RPS6KC1: variants seen among roughly 807,000 people sequenced by gnomAD.
RPS6KC1 encodes the protein inactive ribosomal protein S6 kinase delta-1.
A neutral mutation model predicts 103.8 loss-of-function variants in RPS6KC1; 54 were observed. The ratio of observed to expected loss-of-function variants is 0.52; its 90% CI spans 0.42 to 0.65. RPS6KC1 has a LOEUF of 0.65. Ranked by LOEUF, RPS6KC1 falls within the 30% of genes least tolerant of loss-of-function variation. The pLI is 0.00. For synonymous variants in RPS6KC1, 439 were observed against 438.7 expected, an observed-to-expected ratio of 1.00 and a Z score of -0.01; for missense variants, 1,151 against 1,253.8, an observed-to-expected ratio of 0.92 and a Z score of 1.24.
At chr1:213,374,439 G>A in the RPS6KC1 span, among the ~76,000 whole-genome samples, 1 of 151,812 alleles carries the variant, frequency 6.6e-6, no homozygotes, top group East Asian at 1.9e-4. Context: ...GAAACCCCAG[G>A]GGTTGTACCC....
At chr1:213,751,334 A>G in the RPS6KC1 span, among the ~76,000 whole-genome samples, 1 of 152,128 alleles carries the variant, frequency 6.6e-6, no homozygotes, top group Non-Finnish European at 1.5e-5. Context: ...AGTGGCTCCA[A>G]CATATCAGGA....
the RPS6KC1 span, among the ~76,000 whole-genome samples, chr1:213,366,753 G>A: frequency 6.6e-6 from 1 of 152,182 alleles, no homozygotes; most frequent in African/African-American, 2.4e-5. Context: ...CTGGGAAATT[G>A]TCCACCTTGA....
intron 8 of RPS6KC1, 194 bp downstream of exon 8, chr1:213,176,686 T>C: frequency 2.6e-6 from 1 of 390,962 alleles, no homozygotes; most frequent in South Asian, 6.5e-5. Flanking sequence ...ATGCAAAATA[T>C]ATTTGAGCTA....
At chr1:213,562,018 C>G in the RPS6KC1 span, among the ~76,000 whole-genome samples, 1 of 152,136 alleles carries the variant, frequency 6.6e-6, no homozygotes, top group Non-Finnish European at 1.5e-5. Flanking sequence ...CTAATTTTAC[C>G]TTTGACCTTG....
intron 14 of RPS6KC1, among the ~76,000 whole-genome samples, chr1:213,271,052 A>C (rs570850622): frequency 6.6e-6 from 1 of 152,366 alleles, no homozygotes. Flanking sequence ...TAAGCTCATT[A>C]TGTGACCCAG....
At chr1:213,318,992 G>T in the RPS6KC1 span, among the ~76,000 whole-genome samples, 1 of 152,166 alleles carries the variant, frequency 6.6e-6, no homozygotes, top group South Asian at 2.1e-4. Context: ...GTTATAGGTT[G>T]GGACAAGTGT....
At chr1:213,347,744 T>C in the RPS6KC1 span, among the ~76,000 whole-genome samples, 1 of 152,016 alleles carries the variant, frequency 6.6e-6, no homozygotes. Context: ...ATTAGAGTAA[T>C]AGTATAAGTC....
chr1:213,117,501 G>C (rs953784409), intron 5 of RPS6KC1, 91 bp downstream of exon 5: 1 of 663,168 alleles, frequency 1.5e-6, no homozygotes, highest in Non-Finnish European at 2.6e-6. Flanking sequence ...GATGTATATA[G>C]GAATTTGAGG....
At chr1:213,765,566 C>T in the RPS6KC1 span, among the ~76,000 whole-genome samples, 523 of 152,286 alleles carry the variant, frequency 3.4e-3, 3 homozygotes, top group African/African-American at 0.011. Flanking sequence ...ATCTCTGGCC[C>T]CCAGTACAGC....
the RPS6KC1 span, among the ~76,000 whole-genome samples, chr1:213,618,734 G>C: frequency 1.6e-3 from 237 of 152,344 alleles, no homozygotes; most frequent in African/African-American, 5.3e-3. Context: ...AAAGTATCAA[G>C]AGGAAGTTCT....
At chr1:213,565,545 G>A in the RPS6KC1 span, among the ~76,000 whole-genome samples, 25 of 152,244 alleles carry the variant, frequency 1.6e-4, no homozygotes, top group African/African-American at 2.4e-4. Flanking sequence ...CAACTCTAGC[G>A]CAATAAAACT....
chr1:213,763,673 G>A, the RPS6KC1 span, among the ~76,000 whole-genome samples: 1 of 152,334 alleles, frequency 6.6e-6, no homozygotes, highest in Non-Finnish European at 1.5e-5. Context: ...TGGTTGCTAG[G>A]ATGGTTTTTA....
At chr1:213,505,261 G>A in the RPS6KC1 span, among the ~76,000 whole-genome samples, 28 of 152,104 alleles carry the variant, frequency 1.8e-4, no homozygotes, top group Admixed American at 8.5e-4. Context: ...CCAGACTACC[G>A]TGGGCAGAGG....
intron 2 of RPS6KC1, 136 bp from the exon 3 acceptor site, chr1:213,077,560 C>T (rs1423643107): frequency 7.0e-6 from 3 of 429,464 alleles, no homozygotes; most frequent in Non-Finnish European, 1.3e-5. Flanking sequence ...TAATTTCAGT[C>T]AGTTAATCAT....
the RPS6KC1 span, among the ~76,000 whole-genome samples, chr1:213,490,301 A>T: frequency 6.6e-6 from 1 of 152,196 alleles, no homozygotes; most frequent in African/African-American, 2.4e-5. Context: ...AAAGCGGCTT[A>T]ATATGGCAAC....
the RPS6KC1 span, among the ~76,000 whole-genome samples, chr1:213,756,490 A>T: frequency 6.6e-6 from 1 of 152,216 alleles, no homozygotes; most frequent in South Asian, 2.1e-4. Flanking sequence ...TATAAATTGA[A>T]GGTTTGTGGC....
At chr1:213,758,578 CA>C in the RPS6KC1 span, among the ~76,000 whole-genome samples, 18,022 of 101,516 alleles carry the variant, frequency 0.18, 992 homozygotes, top group Middle Eastern at 0.38. Context: ...GACTCTGTCT[CA>C]AAAAAAAAAA....
chr1:213,201,372 A>G (rs2093157151), intron 8 of RPS6KC1, among the ~76,000 whole-genome samples: 1 of 152,258 alleles, frequency 6.6e-6, no homozygotes, highest in Admixed American at 6.5e-5. Flanking sequence ...TTTATATTAT[A>G]TAATTCCAAT....
the RPS6KC1 span, among the ~76,000 whole-genome samples, chr1:213,862,417 T>A: frequency 6.6e-6 from 1 of 152,144 alleles, no homozygotes; most frequent in Non-Finnish European, 1.5e-5. Context: ...GCATGCCAGC[T>A]AGTCTAAGGG....
Sources: allele counts gnomAD v4.1 joint callset (sites outside exome capture counted in the v4.1 genomes callset), GRCh38; gene constraint gnomAD v4.1.1; transcripts MANE v1.5; gene names NCBI Gene and HGNC (gene_info 2026-07-23, HGNC 2026-07-21).